Variants in PIK3C2G observed in about 807,000 individuals in gnomAD.
PIK3C2G encodes phosphatidylinositol-4-phosphate 3-kinase catalytic subunit type 2 gamma, also known as phosphatidylinositol 3-kinase C2 domain-containing subunit gamma.
In PIK3C2G, 168 loss-of-function variants were observed where a neutral mutation model predicts 181.1. That is an observed-to-expected ratio of 0.93 (90% CI 0.82 to 1.05). PIK3C2G has a LOEUF of 1.05. Ranked by LOEUF, PIK3C2G falls within the 50% of genes least tolerant of loss-of-function variation. PIK3C2G has a pLI of 0.00. For synonymous variants in PIK3C2G, 573 were observed against 592.2 expected, an observed-to-expected ratio of 0.97 and a Z score of 0.47; for missense variants, 1,869 against 1,732.8, an observed-to-expected ratio of 1.08 and a Z score of -1.40.
At chr12:18,321,122 G>A (rs1057190575) in intron 7 of PIK3C2G, 90 bp downstream of exon 7, 2 of 712,214 alleles carry the variant, frequency 2.8e-6, no homozygotes. Flanking sequence ...TGTAAAAACT[G>A]TCCATTCACT....
chr12:18,463,296 A>T (rs1395220826), intron 18 of PIK3C2G, among the ~76,000 whole-genome samples: 2 of 152,200 alleles, frequency 1.3e-5, no homozygotes, highest in Non-Finnish European at 2.9e-5. Context: ...TTAGTAACAT[A>T]TCTAATGGAA....
chr12:18,701,626 C>T, the PIK3C2G span: 5 of 1,565,324 alleles, frequency 3.2e-6, no homozygotes, highest in Non-Finnish European at 4.3e-6. Context: ...TCCTCCTCCT[C>T]CTCCTCCTCC....
At chr12:18,362,915 C>T in intron 12 of PIK3C2G, 29 bp downstream of exon 12, 1 of 1,429,762 alleles carries the variant, frequency 7.0e-7, no homozygotes, top group Non-Finnish European at 9.2e-7. Context: ...GTATCTGGAT[C>T]ATTTATGTAA....
chr12:18,429,093 A>G (rs1946006427), intron 18 of PIK3C2G, among the ~76,000 whole-genome samples: 1 of 152,142 alleles, frequency 6.6e-6, no homozygotes, highest in Non-Finnish European at 1.5e-5. Flanking sequence ...AGATCTTGAG[A>G]TTAGTTCCCC....
chr12:18,593,189 G>A (rs1373713962), intron 29 of PIK3C2G, among the ~76,000 whole-genome samples: 4 of 151,872 alleles, frequency 2.6e-5, no homozygotes, highest in Non-Finnish European at 4.4e-5. Flanking sequence ...CCCATCCTAA[G>A]TTAGCTAATT....
chr12:18,427,633 T>C (rs1281930632), intron 18 of PIK3C2G, among the ~76,000 whole-genome samples: 2 of 152,086 alleles, frequency 1.3e-5, no homozygotes, highest in Non-Finnish European at 1.5e-5. Context: ...TAAAGTTGTA[T>C]GAAAAGTGGA....
the PIK3C2G span, among the ~76,000 whole-genome samples, chr12:18,656,402 C>T: frequency 6.6e-6 from 1 of 152,044 alleles, no homozygotes; most frequent in African/African-American, 2.4e-5. Context: ...ATGGTCTCTA[C>T]TAAAAATACA....
rs11502599 is a variant in PIK3C2G at position 18,425,383 on chromosome 12, T to C, written c.2504+1344T>C. ...TTTTTCTCTAGCTAAAGGACAGACATTTCTTTTTTTTTTTTTTTTTTTTTT... is the reference window on the plus strand; with the variant it reads ...TTTTTCTCTAGCTAAAGGACAGACACTTCTTTTTTTTTTTTTTTTTTTTTT... On this transcript the variant is annotated intron_variant, in intron 18 of 32. Coordinates refer to ENST00000538779, the MANE Select transcript of PIK3C2G (RefSeq NM_001288772.2). 2.8e-3 allele frequency among the ~76,000 whole-genome samples: 390 copies of C among 141,204 alleles called. 2 individuals carry two copies. The highest frequency in any genetic ancestry group is 9.5e-3 in the African/African-American group (361 of 37,918). 92.6% of individuals were successfully genotyped at this position (141,204 alleles called of 152,430 possible). A position where few individuals can be genotyped will look rare whatever the true frequency, so the allele number is the denominator to read the frequency against.
At position 18,341,946 on chromosome 12, in the gene PIK3C2G, A is replaced by C. The variant is rs954131017; in HGVS notation, c.1396-1381A>C. Among the ~76,000 whole-genome samples, 3 of 152,166 alleles carry C rather than the reference A, an allele frequency of 2.0e-5. No homozygotes were observed. In the South Asian group the frequency reaches 6.2e-4, roughly 32 times the overall value. On this transcript the variant is annotated intron_variant, in intron 9 of 32. Coordinates refer to ENST00000538779, the MANE Select transcript of PIK3C2G (RefSeq NM_001288772.2). ...CAAGATGAAGAATTATATGACAAAC[A>C]TACTTGTACTCTATTTTATTCTCTG...
At chr12:18,430,526 C>T (rs552684892) in intron 18 of PIK3C2G, among the ~76,000 whole-genome samples, 2 of 152,124 alleles carry the variant, frequency 1.3e-5, no homozygotes, top group East Asian at 3.9e-4. Flanking sequence ...GTACTTGGCA[C>T]TTTATAGACA....
chr12:18,497,779 A>G (rs750908192), intron 22 of PIK3C2G, 31 bp downstream of exon 22: 1 of 1,523,170 alleles, frequency 6.6e-7, no homozygotes, highest in South Asian at 1.3e-5. Flanking sequence ...GCGCTGGCTC[A>G]CATTATTTAT....
At chr12:18,457,717 C>G (rs1041007115) in intron 18 of PIK3C2G, among the ~76,000 whole-genome samples, 2 of 152,088 alleles carry the variant, frequency 1.3e-5, no homozygotes, top group Admixed American at 6.6e-5. Context: ...ATTCTAGACT[C>G]TCTTTCAATC....
In PIK3C2G at chr12:18,563,441, A is replaced by C. The variant is rs1434911089; in HGVS notation, c.3845A>C (p.Gln1282Pro). ...AGCCTGACAGAAAAATCATTTGAGC[A>C]GTTTTCAAAACTTCACAGCCAACTT... The part of the protein sequence containing the change: ...ETSLTEKSFE[Q>P]FSKLHSQLQK... The change falls in exon 28 of 33, where the codon CAG becomes CCG. Residue 1282 changes from glutamine to proline, a missense_variant. Gln to Pro is a moderately conservative substitution (Grantham distance 76). Transcript: ENST00000538779. The C allele has an allele frequency of 1.2e-6, 2 of 1,613,742 alleles. No homozygotes were observed. Among genetic ancestry groups the C allele is most frequent in the Non-Finnish European group, 1.7e-6 (2 of 1,179,682 alleles).
chr12:18,319,932 A>G (rs1018493916), intron 6 of PIK3C2G: 4 of 152,176 alleles, frequency 2.6e-5, no homozygotes, highest in Non-Finnish European at 5.9e-5. Context: ...GTCATTCTAC[A>G]TAGTGTTTCT....
chr12:18,284,888 A>C (rs1049111143), intron 2 of PIK3C2G, among the ~76,000 whole-genome samples: 1 of 152,206 alleles, frequency 6.6e-6, no homozygotes, highest in Non-Finnish European at 1.5e-5. Context: ...CTTATGAGAC[A>C]AGAAACATAA....
At chr12:18,642,382 G>C (rs955999789) in intron 32 of PIK3C2G, among the ~76,000 whole-genome samples, 6 of 152,126 alleles carry the variant, frequency 3.9e-5, no homozygotes, top group African/African-American at 1.4e-4. Flanking sequence ...TTCCTCCACT[G>C]AATTTCTTTT....
At chr12:18,542,582 C>A (rs531349888) in intron 25 of PIK3C2G, among the ~76,000 whole-genome samples, 7 of 151,884 alleles carry the variant, frequency 4.6e-5, no homozygotes, top group Admixed American at 2.0e-4. Flanking sequence ...CAAGTAGATC[C>A]CAGTGCCTGT....
chr12:18,341,676 G>A (rs1378408081), intron 9 of PIK3C2G, among the ~76,000 whole-genome samples: 1 of 151,976 alleles, frequency 6.6e-6, no homozygotes, highest in Non-Finnish European at 1.5e-5. Flanking sequence ...AAGAGTACTG[G>A]CACACATAGT....
At chr12:18,584,985 G>A (rs887334721) in intron 29 of PIK3C2G, among the ~76,000 whole-genome samples, 2 of 152,064 alleles carry the variant, frequency 1.3e-5, no homozygotes, top group Non-Finnish European at 2.9e-5. Flanking sequence ...TTTCAAATAA[G>A]CAAATGCTGA....
Sources: gnomAD v4.1 joint callset for allele counts (sites outside exome capture counted in the v4.1 genomes callset) on GRCh38, gnomAD v4.1.1 for gene constraint, MANE v1.5 for transcripts, NCBI Gene and HGNC (gene_info 2026-07-23, HGNC 2026-07-21) for gene names.